GRID2: variants seen among roughly 807,000 people sequenced by gnomAD.
GRID2 encodes glutamate receptor ionotropic, delta-2.
GRID2 carries 33 observed loss-of-function variants against 114.8 expected under a neutral mutation model. The ratio of observed to expected loss-of-function variants is 0.29; its 90% CI spans 0.22 to 0.38. The LOEUF is 0.38. Ranked by LOEUF, GRID2 falls within the 10% of genes least tolerant of loss-of-function variation. The pLI is 1.00. For synonymous variants in GRID2, 505 were observed against 449.9 expected (o/e 1.12, Z -1.55); for missense variants, 1,184 against 1,257.7 (o/e 0.94, Z 0.89).
At chr4:93,595,264 C>T (rs1206081671) in intron 13 of GRID2, among the ~76,000 whole-genome samples, 6 of 152,126 alleles carry the variant, frequency 3.9e-5, no homozygotes, top group African/African-American at 1.4e-4. Context: ...CTTATGACAC[C>T]TTATCGTGGG....
At chr4:92,469,900 T>C (rs1165448882) in intron 1 of GRID2, among the ~76,000 whole-genome samples, 1 of 151,900 alleles carries the variant, frequency 6.6e-6, no homozygotes, top group Non-Finnish European at 1.5e-5. Context: ...ATTTTCACAA[T>C]AGTAAAGCTG....
At chr4:92,941,254 C>T (rs894402608) in intron 2 of GRID2, among the ~76,000 whole-genome samples, 9 of 152,112 alleles carry the variant, frequency 5.9e-5, no homozygotes, top group Non-Finnish European at 1.0e-4. Flanking sequence ...GATCCTGTAA[C>T]TGGTCTATTC....
intron 2 of GRID2, among the ~76,000 whole-genome samples, chr4:93,041,890 TTTG>T (rs1444516526): frequency 2.0e-5 from 3 of 151,904 alleles, no homozygotes; most frequent in Non-Finnish European, 2.9e-5. Flanking sequence ...ACATATATAT[TTTG>T]TTGTTGTTGT....
intron 1 of GRID2, among the ~76,000 whole-genome samples, chr4:93,802,372 G>A (rs570591325): frequency 6.6e-6 from 1 of 152,164 alleles, no homozygotes; most frequent in South Asian, 2.1e-4. Flanking sequence ...CTCTATGTGT[G>A]AGAGTGAGTG....
chr4:92,979,383 A>G (rs1045357254), intron 2 of GRID2, among the ~76,000 whole-genome samples: 2 of 151,884 alleles, frequency 1.3e-5, no homozygotes, highest in African/African-American at 4.8e-5. Flanking sequence ...GTACTGTTCT[A>G]TACTTTTGAT....
chr4:92,454,299 G>GA (rs1444930674), intron 1 of GRID2, among the ~76,000 whole-genome samples: 1 of 152,074 alleles, frequency 6.6e-6, no homozygotes, highest in Non-Finnish European at 1.5e-5. Context: ...AGAATACAGA[G>GA]AAAAGTACTT....
At chr4:92,898,084 C>A (rs1006861502) in intron 2 of GRID2, among the ~76,000 whole-genome samples, 1 of 152,006 alleles carries the variant, frequency 6.6e-6, no homozygotes, top group Non-Finnish European at 1.5e-5. Flanking sequence ...CAAGTTCAAA[C>A]CCACACAATT....
intron 2 of GRID2, among the ~76,000 whole-genome samples, chr4:92,942,085 C>G (rs1258392734): frequency 1.3e-5 from 2 of 152,122 alleles, no homozygotes; most frequent in South Asian, 2.1e-4. Context: ...TATATTAGGT[C>G]TACTTGGTGC....
chr4:93,356,504 T>C (rs1267499308), intron 8 of GRID2, among the ~76,000 whole-genome samples: 1 of 151,984 alleles, frequency 6.6e-6, no homozygotes, highest in Non-Finnish European at 1.5e-5. Context: ...AATGCTTTTA[T>C]GATTTTTTTC....
chr4:92,334,279 C>T (rs1287994690), intron 1 of GRID2, among the ~76,000 whole-genome samples: 1 of 152,120 alleles, frequency 6.6e-6, no homozygotes, highest in Non-Finnish European at 1.5e-5. Flanking sequence ...TGTTACAGCT[C>T]TTGTTTTCTT....
At chr4:93,515,088 T>A in intron 12 of GRID2, 128 bp from the exon 13 acceptor site, 1 of 442,480 alleles carries the variant, frequency 2.3e-6, no homozygotes, top group East Asian at 3.4e-5. Flanking sequence ...CAGAAAACAA[T>A]AAAATAAGAA....
At chr4:92,411,190 C>A (rs1473963058) in intron 1 of GRID2, among the ~76,000 whole-genome samples, 1 of 152,114 alleles carries the variant, frequency 6.6e-6, no homozygotes, top group Non-Finnish European at 1.5e-5. Flanking sequence ...ATTGACTCAA[C>A]CATACCAGCA....
intron 8 of GRID2, among the ~76,000 whole-genome samples, chr4:93,371,741 CTTTT>C (rs1205096650): frequency 1.1e-5 from 1 of 89,796 alleles, no homozygotes; most frequent in Non-Finnish European, 2.1e-5. Context: ...ATCACTATTT[CTTTT>C]TTTTTTTTTT....
At chr4:92,314,631 G>T (rs184670407) in intron 1 of GRID2, among the ~76,000 whole-genome samples, 1 of 152,160 alleles carries the variant, frequency 6.6e-6, no homozygotes, top group African/African-American at 2.4e-5. Flanking sequence ...ACCTCATGTG[G>T]TGGATGCACA....
chr4:92,711,658 T>G (rs551532754), intron 2 of GRID2, among the ~76,000 whole-genome samples: 1 of 152,306 alleles, frequency 6.6e-6, no homozygotes, highest in South Asian at 2.1e-4. Context: ...ATCCAAGCAC[T>G]TTGGGAAGTC....
chr4:92,501,847 A>G (rs1723697613), intron 1 of GRID2, among the ~76,000 whole-genome samples: 1 of 152,198 alleles, frequency 6.6e-6, no homozygotes, highest in South Asian at 2.1e-4. Flanking sequence ...TATATTTGAG[A>G]TTGTGACGAA....
intron 4 of GRID2, among the ~76,000 whole-genome samples, chr4:93,119,150 A>G (rs1179393741): frequency 6.6e-6 from 1 of 152,144 alleles, no homozygotes; most frequent in Admixed American, 6.5e-5. Context: ...TTAGTGCTCC[A>G]CCTCTCATTC....
intron 2 of GRID2, among the ~76,000 whole-genome samples, chr4:92,998,795 G>A (rs1283272664): frequency 6.6e-6 from 1 of 150,770 alleles, no homozygotes; most frequent in Non-Finnish European, 1.5e-5. Flanking sequence ...AAATTTGATG[G>A]CGTTTTATTT....
intron 1 of GRID2, among the ~76,000 whole-genome samples, chr4:92,313,374 A>G (rs1725807031): frequency 6.6e-6 from 1 of 152,094 alleles, no homozygotes; most frequent in Non-Finnish European, 1.5e-5. Context: ...TGCAGTGTGT[A>G]CTGCTTTGGT....
Sources: gnomAD v4.1 joint callset for allele counts (sites outside exome capture counted in the v4.1 genomes callset) on GRCh38, gnomAD v4.1.1 for gene constraint, MANE v1.5 for transcripts, NCBI Gene and HGNC (gene_info 2026-07-23, HGNC 2026-07-21) for gene names.